GRID1: variants seen among roughly 807,000 people sequenced by gnomAD.
The protein encoded by GRID1 is glutamate receptor ionotropic, delta-1.
Under a neutral mutation model 98.0 loss-of-function variants are expected in GRID1, and 28 were observed. That is an observed-to-expected ratio of 0.29 (90% CI 0.21 to 0.39). GRID1 has a LOEUF of 0.39. Ranked by LOEUF, GRID1 falls within the 10% of genes least tolerant of loss-of-function variation. GRID1 has a pLI of 1.00. For synonymous variants in GRID1, 553 were observed against 538.5 expected (o/e 1.03, Z -0.37); for missense variants, 1,111 against 1,340.5 (o/e 0.83, Z 2.67).
At chr10:86,122,864 G>C (rs1047419941) in intron 4 of GRID1, among the ~76,000 whole-genome samples, 4 of 152,322 alleles carry the variant, frequency 2.6e-5, no homozygotes, top group Admixed American at 6.5e-5. Flanking sequence ...TGGAGACAAG[G>C]GGGGAGCCCA....
At chr10:86,100,299 T>C (rs1844278727) in intron 4 of GRID1, among the ~76,000 whole-genome samples, 1 of 152,204 alleles carries the variant, frequency 6.6e-6, no homozygotes, top group East Asian at 1.9e-4. Flanking sequence ...TGCAGGACTG[T>C]ATTTGAAACA....
chr10:85,773,568 G>C (rs1298222395), intron 8 of GRID1, among the ~76,000 whole-genome samples: 6 of 151,400 alleles, frequency 4.0e-5, no homozygotes, highest in Non-Finnish European at 7.4e-5. Context: ...TGTATATCTA[G>C]AAAACCCCAT....
chr10:86,037,756 A>G (rs1295959240), intron 4 of GRID1, among the ~76,000 whole-genome samples: 1 of 152,074 alleles, frequency 6.6e-6, no homozygotes, highest in African/African-American at 2.4e-5. Context: ...AGCTATAGTC[A>G]ATGGTGTGTT....
intron 4 of GRID1, among the ~76,000 whole-genome samples, chr10:86,034,012 G>A (rs1843221874): frequency 6.6e-6 from 1 of 152,216 alleles, no homozygotes; most frequent in South Asian, 2.1e-4. Context: ...AGGGGACAAT[G>A]TTATTCAAAT....
intron 4 of GRID1, among the ~76,000 whole-genome samples, chr10:85,943,446 G>T (rs1009674524): frequency 2.0e-5 from 3 of 152,138 alleles, no homozygotes; most frequent in African/African-American, 7.2e-5. Flanking sequence ...GAACTAGGAA[G>T]AATTTCTTAA....
At chr10:85,824,404 G>C (rs1842800386) in intron 8 of GRID1, among the ~76,000 whole-genome samples, 1 of 152,126 alleles carries the variant, frequency 6.6e-6, no homozygotes, top group Non-Finnish European at 1.5e-5. Context: ...TAGAGATGGT[G>C]CTTCACCATG....
At chr10:85,731,578 A>G (rs1255384625) in intron 8 of GRID1, among the ~76,000 whole-genome samples, 2 of 151,944 alleles carry the variant, frequency 1.3e-5, no homozygotes, top group Non-Finnish European at 2.9e-5. Context: ...AGGTGGGTGG[A>G]TCGCTTGAGT....
intron 12 of GRID1, among the ~76,000 whole-genome samples, chr10:85,715,487 A>C (rs1246873483): frequency 1.3e-5 from 2 of 152,194 alleles, no homozygotes; most frequent in Non-Finnish European, 2.9e-5. Flanking sequence ...TATCCAAAAT[A>C]TATAAGGAAA....
At chr10:86,349,222 G>A (rs1235491303) in intron 2 of GRID1, among the ~76,000 whole-genome samples, 4 of 152,220 alleles carry the variant, frequency 2.6e-5, no homozygotes, top group African/African-American at 7.2e-5. Flanking sequence ...CCAGGACCAT[G>A]TCAGCCCCAT....
chr10:86,001,082 C>A (rs998922426), intron 4 of GRID1, among the ~76,000 whole-genome samples: 2 of 152,292 alleles, frequency 1.3e-5, no homozygotes, highest in South Asian at 2.1e-4. Flanking sequence ...TCAGTAAAAG[C>A]AGCTGGTCTC....
intron 5 of GRID1, among the ~76,000 whole-genome samples, chr10:85,911,121 A>G (rs1467649078): frequency 6.6e-6 from 1 of 152,164 alleles, no homozygotes. Context: ...AGCAGGCTGG[A>G]TGAAGTGGGC....
At chr10:85,681,347 C>A (rs567075441) in intron 12 of GRID1, among the ~76,000 whole-genome samples, 1 of 152,102 alleles carries the variant, frequency 6.6e-6, no homozygotes, top group South Asian at 2.1e-4. Flanking sequence ...CTATTTTTTT[C>A]TAATTCAAAC....
chr10:85,798,477 C>T (rs1456156616), intron 8 of GRID1, among the ~76,000 whole-genome samples: 2 of 152,114 alleles, frequency 1.3e-5, no homozygotes, highest in African/African-American at 4.8e-5. Context: ...TACTATTTAC[C>T]TTTCCACCAA....
intron 4 of GRID1, among the ~76,000 whole-genome samples, chr10:86,048,122 C>T (rs1843451016): frequency 6.6e-6 from 1 of 151,994 alleles, no homozygotes; most frequent in Admixed American, 6.6e-5. Flanking sequence ...TTCCAGATGC[C>T]CAGTGAAGAA....
chr10:85,889,602 G>A (rs1335579693), intron 5 of GRID1, among the ~76,000 whole-genome samples: 1 of 152,160 alleles, frequency 6.6e-6, no homozygotes, highest in Non-Finnish European at 1.5e-5. Context: ...CACTTAGGTT[G>A]TTTCCATAGC....
At chr10:86,047,970 A>G (rs1843448547) in intron 4 of GRID1, among the ~76,000 whole-genome samples, 1 of 152,162 alleles carries the variant, frequency 6.6e-6, no homozygotes, top group Non-Finnish European at 1.5e-5. Context: ...TTTTGTCCTC[A>G]TTGGAAACAC....
intron 4 of GRID1, among the ~76,000 whole-genome samples, chr10:86,058,598 T>A (rs949896183): frequency 2.0e-5 from 3 of 152,186 alleles, no homozygotes; most frequent in Non-Finnish European, 4.4e-5. Context: ...CCTGAGCCCA[T>A]CAGATCTGTG....
chr10:85,631,623 C>T (rs1262152970), intron 13 of GRID1, among the ~76,000 whole-genome samples: 1 of 152,150 alleles, frequency 6.6e-6, no homozygotes, highest in Non-Finnish European at 1.5e-5. Flanking sequence ...TGTACACTAT[C>T]AACAAAACTA....
intron 4 of GRID1, among the ~76,000 whole-genome samples, chr10:85,976,359 T>G (rs1842472410): frequency 6.6e-6 from 1 of 152,138 alleles, no homozygotes; most frequent in Non-Finnish European, 1.5e-5. Context: ...TGACCTCAAG[T>G]CAAGTGATTT....
Sources: allele counts gnomAD v4.1 joint callset (sites outside exome capture counted in the v4.1 genomes callset), GRCh38; gene constraint gnomAD v4.1.1; transcripts MANE v1.5; gene names NCBI Gene and HGNC (gene_info 2026-07-23, HGNC 2026-07-21).